KIRREL3: variants seen among roughly 807,000 people sequenced by gnomAD.
The protein encoded by KIRREL3 is kirre like nephrin family adhesion molecule 3.
In KIRREL3, 36 loss-of-function variants were observed where a neutral mutation model predicts 89.7. The observed-to-expected ratio is 0.40, with a 90% confidence interval of 0.31 to 0.53. KIRREL3 has a LOEUF of 0.53. KIRREL3 is among the 20% of genes least tolerant of loss of function. KIRREL3 has a pLI of 0.49. For missense variants in KIRREL3, 864 were observed against 1,056.6 expected, an observed-to-expected ratio of 0.82 and a Z score of 2.53; for synonymous variants, 445 against 441.4, an observed-to-expected ratio of 1.01 and a Z score of -0.10.
In KIRREL3 at chr11:126,684,654, C is replaced by T. The variant is rs1160870161; in HGVS notation, c.56-121742G>A. Among the ~76,000 whole-genome samples, 1 of 152,220 alleles carries T rather than the reference C, an allele frequency of 6.6e-6. No homozygotes were observed. Among genetic ancestry groups the T allele is most frequent in the Non-Finnish European group, 1.5e-5 (1 of 68,048 alleles). ...AAATTCATTTCTTTGGGCCAGTCTC[C>T]TTTGTCTGCACTTGCTGAGAAGGCA... On this transcript the variant is annotated intron_variant, in intron 1 of 16. Coordinates refer to ENST00000525144, the MANE Select transcript of KIRREL3 (RefSeq NM_032531.4). The surrounding 1 kb of genome is among the most constrained non-coding windows in gnomAD (Gnocchi z 4.2).
rs563872877 is a variant in KIRREL3, at chr11:126,640,746, G to A, written c.56-77834C>T. Among the ~76,000 whole-genome samples the A allele has an allele frequency of 4.6e-5, 7 of 152,236 alleles. No homozygotes were observed. The South Asian group carries it at 1.2e-3, about 27-fold the overall frequency. ...GACTATGCCTAACTCTGTATGAGGG[G>A]TCGCTCAGAATGGAGGCATGCATGA... On this transcript the variant is annotated intron_variant, in intron 1 of 16. Transcript: ENST00000525144. The surrounding 1 kb of genome is among the most constrained non-coding windows in gnomAD (Gnocchi z 4.9).
At chr11:126,451,367 TATGTGTGAGCGTGTGC>T (rs777482972) in intron 7 of KIRREL3, among the ~76,000 whole-genome samples, 160 of 67,092 alleles carry the variant, frequency 2.4e-3, no homozygotes, top group Non-Finnish European at 2.2e-3. Flanking sequence ...TGAGTGTGAC[TATGTGTGAGCGTGTGC>T]ATGTGTGAAC....
Position 126,609,816 on chromosome 11 carries a change from G to C in KIRREL3, c.56-46904C>G, listed in dbSNP as rs1056114200. 5.9e-5 allele frequency among the ~76,000 whole-genome samples: 9 copies of C among 151,974 alleles called. No homozygotes were observed. The highest frequency in any genetic ancestry group is 5.9e-4 in the Admixed American group (9 of 15,254). On this transcript the variant is annotated intron_variant, in intron 1 of 16. Coordinates refer to ENST00000525144, the MANE Select transcript of KIRREL3 (RefSeq NM_032531.4). The surrounding 1 kb of genome is among the most constrained non-coding windows in gnomAD (Gnocchi z 5.0). Reference sequence around the variant, plus strand: ...AAGTTGAGAGCCACTCGCAGCTCCAGCACATTCTTACTGTGTCAGTTTTTT... The same window carrying C: ...AAGTTGAGAGCCACTCGCAGCTCCACCACATTCTTACTGTGTCAGTTTTTT...
intron 1 of KIRREL3, among the ~76,000 whole-genome samples, chr11:126,863,180 C>A (rs1188305059): frequency 6.6e-6 from 1 of 152,240 alleles, no homozygotes; most frequent in East Asian, 1.9e-4. Context: ...TTCTGCAGCA[C>A]CTGGGCTGCT....
intron 1 of KIRREL3, among the ~76,000 whole-genome samples, chr11:126,901,402 T>A (rs984496756): frequency 6.6e-6 from 1 of 152,012 alleles, no homozygotes; most frequent in Non-Finnish European, 1.5e-5. Flanking sequence ...GAGCAGGGGG[T>A]TTCTTGGAGA....
intron 1 of KIRREL3, among the ~76,000 whole-genome samples, chr11:126,679,039 G>A (rs371792615): frequency 2.0e-4 from 31 of 152,312 alleles, no homozygotes; most frequent in African/African-American, 7.2e-4. Context: ...GGGTTTCTGG[G>A]AGAGATGCTT....
intron 1 of KIRREL3, among the ~76,000 whole-genome samples, chr11:126,923,160 T>C (rs56080695): frequency 0.12 from 3,061 of 26,278 alleles, 783 homozygotes; most frequent in Middle Eastern, 0.38. Context: ...TTCTTCTTCT[T>C]CTTCTTCTTC....
At chr11:126,447,150 C>A (rs1955851436) in intron 8 of KIRREL3, among the ~76,000 whole-genome samples, 2 of 152,218 alleles carry the variant, frequency 1.3e-5, no homozygotes, top group Admixed American at 1.3e-4. Context: ...CAGCGTGGGG[C>A]CTGGGAAGAA....
At chr11:126,842,423 C>T (rs1228279999) in intron 1 of KIRREL3, among the ~76,000 whole-genome samples, 1 of 152,212 alleles carries the variant, frequency 6.6e-6, no homozygotes, top group African/African-American at 2.4e-5. Context: ...CTACTCTGTT[C>T]TCAGTGGAGA....
Position 126,623,075 on chromosome 11 carries a change from C to T in KIRREL3, c.56-60163G>A, listed in dbSNP as rs1565599844. Among the ~76,000 whole-genome samples the T allele has an allele frequency of 6.6e-6, 1 of 152,090 alleles. No homozygotes were observed. Among genetic ancestry groups the T allele is most frequent in the Non-Finnish European group, 1.5e-5 (1 of 68,026 alleles). ...TATTTACAATTTACAAAGCGTTATC[C>T]ACTAGTTATCTCACTGATTTTCCCA... On this transcript the variant is annotated intron_variant, in intron 1 of 16. Transcript: ENST00000525144. This position sits in a 1 kb window ranked among gnomAD's most constrained non-coding sequence, Gnocchi z 4.1.
chr11:126,983,728 C>T lies in KIRREL3; in HGVS notation c.55+16727G>A, dbSNP rs759960831. ...GCCCTGCAGCACCTGGATGCCAGCC[C>T]GTGAGATCCATTCTAGACCTCTGAC... On this transcript the variant is annotated intron_variant, in intron 1 of 16. Coordinates refer to ENST00000525144, the MANE Select transcript of KIRREL3 (RefSeq NM_032531.4). This position sits in a 1 kb window ranked among gnomAD's most constrained non-coding sequence, Gnocchi z 4.9. 5.3e-5 allele frequency among the ~76,000 whole-genome samples: 8 copies of T among 152,132 alleles called. No individual in the cohort carries two copies. Among genetic ancestry groups the T allele is most frequent in the Non-Finnish European group, 1.0e-4 (7 of 68,030 alleles).
intron 1 of KIRREL3, among the ~76,000 whole-genome samples, chr11:126,681,626 A>C (rs1232357437): frequency 1.3e-5 from 2 of 151,906 alleles, no homozygotes; most frequent in African/African-American, 4.8e-5. Context: ...ACACACACAC[A>C]CCAGATCAAG....
At chr11:126,437,604 A>G (rs766278884) in intron 11 of KIRREL3, among the ~76,000 whole-genome samples, 1 of 152,190 alleles carries the variant, frequency 6.6e-6, no homozygotes, top group Admixed American at 6.5e-5. Context: ...ATGCATACAC[A>G]CATCACAGTA....
Position 126,748,017 on chromosome 11 carries a change from G to C in KIRREL3, c.56-185105C>G, listed in dbSNP as rs755805790. Among the ~76,000 whole-genome samples, 33 of 152,098 alleles carry C rather than the reference G, an allele frequency of 2.2e-4. No individual in the cohort carries two copies. Among genetic ancestry groups the C allele is most frequent in the Non-Finnish European group, 3.7e-4 (25 of 68,012 alleles). On this transcript the variant is annotated intron_variant, in intron 1 of 16. Coordinates refer to ENST00000525144, the MANE Select transcript of KIRREL3 (RefSeq NM_032531.4). This position sits in a 1 kb window ranked among gnomAD's most constrained non-coding sequence, Gnocchi z 4.6. ...TGCCTAGCATCGTGGCCCCTGTAAAGGGCTCTTCCATTAATAATTGCCTCC... is the reference window on the plus strand; with the variant it reads ...TGCCTAGCATCGTGGCCCCTGTAAACGGCTCTTCCATTAATAATTGCCTCC...
Position 126,636,983 on chromosome 11 carries a change from C to G in KIRREL3, c.56-74071G>C, listed in dbSNP as rs1433064487. On this transcript the variant is annotated intron_variant, in intron 1 of 16. Transcript: ENST00000525144. This position sits in a 1 kb window ranked among gnomAD's most constrained non-coding sequence, Gnocchi z 4.4. ...ATGTGAAAGTCCCTAGGAGGGTAGGCACTTAGTAATACTAGGCTACCTCCC... is the reference window on the plus strand; with the variant it reads ...ATGTGAAAGTCCCTAGGAGGGTAGGGACTTAGTAATACTAGGCTACCTCCC... 1.3e-5 allele frequency among the ~76,000 whole-genome samples: 2 copies of G among 152,160 alleles called. No homozygotes were observed. The highest frequency in any genetic ancestry group is 2.9e-5 in the Non-Finnish European group (2 of 68,016).
chr11:126,731,394 G>A (rs187063061), intron 1 of KIRREL3, among the ~76,000 whole-genome samples: 2 of 152,308 alleles, frequency 1.3e-5, no homozygotes, highest in East Asian at 3.9e-4. Context: ...AGCTTACTTA[G>A]TCCTTCAAGA....
rs1221362805 is a variant in KIRREL3 at position 126,443,402 on chromosome 11, G to A, written c.1252+1577C>T. ...GCAGCCTGTGTTGCCATGGATATAC[G>A]GAGGCGCGATCAGATGCTGTTATTT... is the stretch of plus-strand genomic sequence containing the variant. On this transcript the variant is annotated intron_variant, in intron 10 of 16. Transcript: ENST00000525144. The surrounding 1 kb of genome is among the most constrained non-coding windows in gnomAD (Gnocchi z 7.3). Among the ~76,000 whole-genome samples the A allele has an allele frequency of 6.6e-6, 1 of 152,198 alleles. No homozygotes were observed.
Position 126,513,738 on chromosome 11 carries a change from G to A in KIRREL3, c.433+7577C>T, listed in dbSNP as rs1958305591. ...GGAGATTGTGGGGGGCGACCTTGGA[G>A]TGCAGCAGGAGGGCAGGGCTGGGGC... On this transcript the variant is annotated intron_variant, in intron 4 of 16. Coordinates refer to ENST00000525144, the MANE Select transcript of KIRREL3 (RefSeq NM_032531.4). The surrounding 1 kb of genome is among the most constrained non-coding windows in gnomAD (Gnocchi z 5.9). Among the ~76,000 whole-genome samples the A allele has an allele frequency of 6.6e-6, 1 of 152,104 alleles. No homozygotes were observed. The highest frequency in any genetic ancestry group is 1.5e-5 in the Non-Finnish European group (1 of 68,006).
chr11:126,648,787 T>C (rs968554639), intron 1 of KIRREL3, among the ~76,000 whole-genome samples: 1 of 152,202 alleles, frequency 6.6e-6, no homozygotes, highest in Non-Finnish European at 1.5e-5. Flanking sequence ...TAATGAGCTA[T>C]GTTTTAAGAA....
Sources: allele counts gnomAD v4.1 joint callset (sites outside exome capture counted in the v4.1 genomes callset), GRCh38; gene constraint gnomAD v4.1.1; non-coding constraint Gnocchi (gnomAD v3.1); transcripts MANE v1.5; gene names NCBI Gene and HGNC (gene_info 2026-07-23, HGNC 2026-07-21).